SNTG1: variants seen among roughly 807,000 people sequenced by gnomAD.
SNTG1 encodes gamma-1-syntrophin.
SNTG1 carries 39 observed loss-of-function variants against 74.7 expected under a neutral mutation model. The ratio of observed to expected loss-of-function variants is 0.52; its 90% CI spans 0.40 to 0.68. The LOEUF (loss-of-function observed/expected upper bound fraction) is 0.68, where lower values mean the gene tolerates loss of function less well. SNTG1 is among the 30% of genes least tolerant of loss of function. The pLI, the probability that SNTG1 is intolerant of heterozygous loss-of-function variation, is 0.00. For missense variants in SNTG1, 685 were observed against 609.5 expected, an observed-to-expected ratio of 1.12 and a Z score of -1.30; for synonymous variants, 254 against 217.1, an observed-to-expected ratio of 1.17 and a Z score of -1.49.
chr8:49,934,323 CTATCT>C, intron 1 of SNTG1, among the ~76,000 whole-genome samples: 1 of 149,566 alleles, frequency 6.7e-6, no homozygotes, highest in East Asian at 1.9e-4. Context: ...ATCTATCTAT[CTATCT>C]ATCTATCTAC....
At chr8:50,327,783 A>G (rs183979254) in intron 2 of SNTG1, among the ~76,000 whole-genome samples, 6 of 151,684 alleles carry the variant, frequency 4.0e-5, no homozygotes, top group Non-Finnish European at 8.8e-5. Flanking sequence ...TGCACATTTT[A>G]TATGCTTCCA....
chr8:50,584,169 T>C (rs2094631281), intron 12 of SNTG1, among the ~76,000 whole-genome samples: 2 of 152,150 alleles, frequency 1.3e-5, no homozygotes, highest in Non-Finnish European at 2.9e-5. Flanking sequence ...ATCCAGTCTA[T>C]CATTGATGGA....
intron 2 of SNTG1, among the ~76,000 whole-genome samples, chr8:50,266,692 A>AT (rs2087496110): frequency 8.0e-6 from 1 of 125,702 alleles, no homozygotes. Flanking sequence ...GTGTATATAT[A>AT]TATATATGAA....
At position 50,475,155 on chromosome 8, in the gene SNTG1, C is replaced by T. The variant is rs543386454; in HGVS notation, c.363+24426C>T. ...TGATGAGTTAATGGGTGCAGCACACCGACGTGGCACATGTATGCATATGTA... is the reference window on the plus strand; with the variant it reads ...TGATGAGTTAATGGGTGCAGCACACTGACGTGGCACATGTATGCATATGTA... On this transcript the variant is annotated intron_variant, in intron 8 of 18. Coordinates refer to ENST00000642720, the MANE Select transcript of SNTG1 (RefSeq NM_018967.5). Among the ~76,000 whole-genome samples, 58 of 151,168 alleles carry T rather than the reference C, an allele frequency of 3.8e-4. No individual in the cohort carries two copies. The Middle Eastern group carries it at 0.01, about 27-fold the overall frequency.
intron 15 of SNTG1, among the ~76,000 whole-genome samples, chr8:50,682,344 G>A (rs2095334674): frequency 6.6e-6 from 1 of 151,902 alleles, no homozygotes; most frequent in South Asian, 2.1e-4. Flanking sequence ...TAGTTTGGTG[G>A]GAAGGGCAGT....
intron 2 of SNTG1, among the ~76,000 whole-genome samples, chr8:50,255,077 G>A (rs1031875560): frequency 1.3e-5 from 2 of 148,304 alleles, no homozygotes; most frequent in Non-Finnish European, 1.5e-5. Context: ...GTTTGCTGTA[G>A]CTTATTAAAT....
chr8:50,625,764 C>T (rs1163356373), intron 13 of SNTG1, among the ~76,000 whole-genome samples: 1 of 152,174 alleles, frequency 6.6e-6, no homozygotes, highest in Non-Finnish European at 1.5e-5. Flanking sequence ...AACTTTGTAG[C>T]AAGGCAGTTT....
intron 15 of SNTG1, among the ~76,000 whole-genome samples, chr8:50,671,006 C>G (rs912560910): frequency 1.2e-4 from 18 of 150,648 alleles, no homozygotes; most frequent in East Asian, 3.9e-4. Flanking sequence ...AAAGCTGAAA[C>G]TGGATCCCTT....
chr8:50,718,163 T>C (rs2095479278), intron 17 of SNTG1, among the ~76,000 whole-genome samples: 1 of 151,858 alleles, frequency 6.6e-6, no homozygotes, highest in South Asian at 2.1e-4. Flanking sequence ...ACATTTCACT[T>C]GAGAATTTGT....
intron 1 of SNTG1, among the ~76,000 whole-genome samples, chr8:50,056,590 A>G (rs1255376333): frequency 6.6e-6 from 1 of 152,138 alleles, no homozygotes; most frequent in Non-Finnish European, 1.5e-5. Context: ...CAAACCACAC[A>G]AAGCAGGTTT....
intron 13 of SNTG1, among the ~76,000 whole-genome samples, chr8:50,618,775 A>G (rs1007790983): frequency 1.3e-5 from 2 of 151,376 alleles, no homozygotes; most frequent in East Asian, 1.9e-4. Flanking sequence ...ACCACCCTCA[A>G]TTCTCTGTCA....
chr8:50,424,951 AATT>A (rs1200819844), intron 4 of SNTG1, among the ~76,000 whole-genome samples: 9 of 152,192 alleles, frequency 5.9e-5, no homozygotes, highest in Non-Finnish European at 1.3e-4. Flanking sequence ...AGAAAATTAT[AATT>A]ATATTTACAG....
intron 1 of SNTG1, among the ~76,000 whole-genome samples, chr8:50,131,282 T>C (rs1384287464): frequency 3.3e-5 from 5 of 152,114 alleles, no homozygotes; most frequent in African/African-American, 1.2e-4. Flanking sequence ...ATAATCAAAG[T>C]GGGCACTCGA....
chr8:50,077,069 A>G (rs1821960078), intron 1 of SNTG1, among the ~76,000 whole-genome samples: 2 of 152,138 alleles, frequency 1.3e-5, no homozygotes, highest in African/African-American at 2.4e-5. Flanking sequence ...AACGTTCTAT[A>G]TTTACTCCTG....
At chr8:49,934,533 GA>G (rs1807885336) in intron 1 of SNTG1, among the ~76,000 whole-genome samples, 4 of 152,128 alleles carry the variant, frequency 2.6e-5, no homozygotes, top group African/African-American at 9.7e-5. Context: ...TGCGAAAGTG[GA>G]AGAGACCTCA....
intron 2 of SNTG1, among the ~76,000 whole-genome samples, chr8:50,339,766 C>CCCAT (rs2091264759): frequency 1.3e-5 from 2 of 151,836 alleles, no homozygotes; most frequent in Non-Finnish European, 3.0e-5. Flanking sequence ...AAACGAAAAG[C>CCCAT]AAGTACATAT....
chr8:50,787,585 AAAAGTAGGAACAACCC>A (rs536162702), intron 18 of SNTG1, among the ~76,000 whole-genome samples: 165 of 152,156 alleles, frequency 1.1e-3, no homozygotes, highest in African/African-American at 3.8e-3. Flanking sequence ...ACAAAAAATC[AAAAGTAGGAACAACCC>A]AAATGTTCAA....
chr8:50,734,272 T>C (rs2095519957), intron 17 of SNTG1, among the ~76,000 whole-genome samples: 1 of 151,784 alleles, frequency 6.6e-6, no homozygotes, highest in South Asian at 2.1e-4. Context: ...CTTCTCGGCC[T>C]TTTGGCTAAG....
intron 1 of SNTG1, among the ~76,000 whole-genome samples, chr8:49,979,230 AG>A (rs1812455242): frequency 6.6e-6 from 1 of 152,228 alleles, no homozygotes; most frequent in Non-Finnish European, 1.5e-5. Context: ...GTGCAGCCAG[AG>A]CGGAGTGCGC....
Sources: gnomAD v4.1 joint callset for allele counts (sites outside exome capture counted in the v4.1 genomes callset) on GRCh38, gnomAD v4.1.1 for gene constraint, MANE v1.5 for transcripts, NCBI Gene and HGNC (gene_info 2026-07-23, HGNC 2026-07-21) for gene names.